The following LRRN3 variants were observed in gnomAD, a reference collection of about 807,000 sequenced individuals.
The protein encoded by LRRN3 is leucine-rich repeat neuronal protein 3.
In LRRN3, 15 loss-of-function variants were observed where a neutral mutation model predicts 40.1. That is an observed-to-expected ratio of 0.37 (90% confidence interval 0.25 to 0.58). The LOEUF is 0.58. Ranked by LOEUF, LRRN3 falls within the 20% of genes least tolerant of loss-of-function variation. The probability of loss-of-function intolerance (pLI) is 0.72; values close to 1 mark genes in which losing one functional copy is unlikely to be tolerated. For synonymous variants in LRRN3, 308 were observed against 297.2 expected (o/e 1.04, Z -0.37); for missense variants, 746 against 837.7 (o/e 0.89, Z 1.35).
At chr7:111,096,296 A>G (rs1447673070) in intron 1 of LRRN3, among the ~76,000 whole-genome samples, 1 of 151,768 alleles carries the variant, frequency 6.6e-6, no homozygotes, top group African/African-American at 2.4e-5. Flanking sequence ...TCCAGAGAGT[A>G]GAAGAAAATA....
chr7:111,109,850 C>T (rs1798987604), intron 2 of LRRN3, among the ~76,000 whole-genome samples: 1 of 152,254 alleles, frequency 6.6e-6, no homozygotes, highest in East Asian at 1.9e-4. Flanking sequence ...AAAAAGTCTT[C>T]AGGGGCTGGG....
Position 111,123,043 on chromosome 7 carries a change from C to A in LRRN3, c.271C>A (p.Pro91Thr). 2 of 1,613,830 alleles carry A rather than the reference C, an allele frequency of 1.2e-6. No homozygotes were observed. Among genetic ancestry groups the A allele is most frequent in the Non-Finnish European group, 1.7e-6 (2 of 1,179,926 alleles). Residue 91 changes from proline (P) to threonine (T), a missense_variant, in exon 3 of 3, where the codon CCA becomes ACA. Transcript: ENST00000308478. The surrounding 1 kb of genome is among the most constrained non-coding windows in gnomAD (Gnocchi z 6.4). The stretch of plus-strand genomic sequence containing the variant: ...AAAAATTGAATACTCCACAGACTTT[C>A]CAGTAAACCTTACTGGCCTGGATTT... The part of the protein sequence containing the change: ...IAKIEYSTDF[P>T]VNLTGLDLSQ...
chr7:111,125,075 A>C lies in LRRN3; in HGVS notation c.*176A>C, dbSNP rs1284194138. On this transcript the variant is annotated 3_prime_UTR_variant, in exon 3 of 3. Coordinates refer to ENST00000308478, the MANE Select transcript of LRRN3 (RefSeq NM_001099658.2). ...CTCCTGACCAATGGAAATATGTACA[A>C]CTTCAGCATTTTAAGTAACTGGCTT... The C allele has an allele frequency of 5.8e-6, 3 of 515,286 alleles. No homozygotes were observed. Among genetic ancestry groups the C allele is most frequent in the Non-Finnish European group, 1.0e-5 (3 of 290,808 alleles). 31.9% of individuals were successfully genotyped at this position (515,286 alleles called of 1,614,324 possible).
intron 2 of LRRN3, among the ~76,000 whole-genome samples, chr7:111,120,753 G>A (rs1800497530): frequency 6.6e-6 from 1 of 152,098 alleles, no homozygotes; most frequent in Non-Finnish European, 1.5e-5. Context: ...AGGAGACTAT[G>A]GAGAGAAGTA....
chr7:111,092,711 T>C (rs1437111064), intron 1 of LRRN3, among the ~76,000 whole-genome samples: 1 of 152,142 alleles, frequency 6.6e-6, no homozygotes, highest in Non-Finnish European at 1.5e-5. Flanking sequence ...TTACTTCCAA[T>C]CTTGTAAAGG....
At chr7:111,104,652 A>G (rs1798345673) in intron 2 of LRRN3, among the ~76,000 whole-genome samples, 1 of 151,840 alleles carries the variant, frequency 6.6e-6, no homozygotes, top group Non-Finnish European at 1.5e-5. Flanking sequence ...AATGCTAAAG[A>G]AAAATTTTTA....
intron 2 of LRRN3, among the ~76,000 whole-genome samples, chr7:111,105,171 A>T (rs1332710859): frequency 6.6e-6 from 1 of 151,864 alleles, no homozygotes; most frequent in African/African-American, 2.4e-5. Flanking sequence ...AAAACCTTTG[A>T]AGTGCCCTTT....
intron 2 of LRRN3, among the ~76,000 whole-genome samples, chr7:111,108,758 C>T (rs1270522586): frequency 6.6e-6 from 1 of 152,046 alleles, no homozygotes; most frequent in African/African-American, 2.4e-5. Flanking sequence ...GCATACAAAC[C>T]ACATGAGTCA....
intron 1 of LRRN3, among the ~76,000 whole-genome samples, chr7:111,099,289 T>C (rs1342968272): frequency 6.6e-6 from 1 of 151,704 alleles, no homozygotes; most frequent in Non-Finnish European, 1.5e-5. Context: ...TTTTTTCCCC[T>C]CATGCATTCT....
At chr7:111,094,138 C>G (rs561201486) in intron 1 of LRRN3, among the ~76,000 whole-genome samples, 26 of 152,202 alleles carry the variant, frequency 1.7e-4, no homozygotes, top group Non-Finnish European at 2.9e-4. Flanking sequence ...CACTCCTCCC[C>G]CCGAATCTGA....
Position 111,124,694 on chromosome 7 carries a change from G to C in LRRN3, c.1922G>C (p.Gly641Ala). The C allele has an allele frequency of 6.2e-7, 1 of 1,613,852 alleles. No individual in the cohort carries two copies. Among genetic ancestry groups the C allele is most frequent in the Non-Finnish European group, 8.5e-7 (1 of 1,179,934 alleles). Residue 641 changes from glycine (G) to alanine (A), a missense_variant, in exon 3 of 3, where the codon GGT (glycine) becomes GCT (alanine). By Grantham distance (60) the Gly-to-Ala change is moderately conservative (BLOSUM62 0). Transcript: ENST00000308478. ...CTTGGAGGCCTTCTGGGGATTATTG[G>C]TGTGATATGTCTTATCAGCTGCCTC... The part of the protein sequence containing the change: ...ACLGGLLGII[G>A]VICLISCLSP...
rs1394503188 is a variant in LRRN3, at chr7:111,124,027, T to C, written c.1255T>C (p.Cys419Arg). ...QVHFRDMMEI[C>R]LPLIAPESFP... ...GCATTTCAGGGACATGATGGAAATT[T>C]GTCTCCCTCTTATAGCTCCTGAGAG... Residue 419 changes from cysteine to arginine, a missense_variant, in exon 3 of 3, where the codon TGT becomes CGT. Physicochemically the swap from Cys to Arg is radical, Grantham distance 180. Coordinates refer to ENST00000308478, the MANE Select transcript of LRRN3 (RefSeq NM_001099658.2). The C allele has an allele frequency of 6.2e-7, 1 of 1,614,104 alleles. No individual in the cohort carries two copies. Among genetic ancestry groups the C allele is most frequent in the Non-Finnish European group, 8.5e-7 (1 of 1,179,988 alleles).
At chr7:111,100,758 A>G (rs1156828766) in intron 2 of LRRN3, among the ~76,000 whole-genome samples, 3 of 151,472 alleles carry the variant, frequency 2.0e-5, no homozygotes, top group Non-Finnish European at 4.4e-5. Flanking sequence ...TCATGGTTGA[A>G]TTCCAGGAGG....
intron 2 of LRRN3, among the ~76,000 whole-genome samples, chr7:111,116,743 G>A (rs543070945): frequency 6.6e-6 from 1 of 152,194 alleles, no homozygotes; most frequent in Admixed American, 6.5e-5. Context: ...TTTCATCTGA[G>A]TGAAACTTTA....
intron 1 of LRRN3, chr7:111,096,984 T>TA: frequency 6.6e-6 from 1 of 151,962 alleles, no homozygotes; most frequent in African/African-American, 2.4e-5. Flanking sequence ...AAAATCCCTT[T>TA]AAAAAATCTT....
Position 111,122,903 on chromosome 7 carries a change from G to C in LRRN3, c.131G>C (p.Arg44Thr). The C allele has an allele frequency of 6.2e-7, 1 of 1,614,038 alleles. No individual in the cohort carries two copies. Among genetic ancestry groups the C allele is most frequent in the South Asian group, 1.1e-5 (1 of 91,074 alleles). Reference sequence around the variant, plus strand: ...GAAATCAGGCCTTGGTTTACACCCAGATCCATTTATATGGAAGCATCTACA... The same window carrying C: ...GAAATCAGGCCTTGGTTTACACCCACATCCATTTATATGGAAGCATCTACA... ...TCEIRPWFTP[R>T]SIYMEASTVD... is the part of the protein sequence containing the mutation. The change falls in exon 3 of 3, where the codon AGA becomes ACA. Residue 44 changes from arginine (R) to threonine (T), a missense_variant. Coordinates refer to ENST00000308478, the MANE Select transcript of LRRN3 (RefSeq NM_001099658.2).
At position 111,109,448 on chromosome 7, in the gene LRRN3, G is replaced by A. The variant is rs1215198252; in HGVS notation, c.-359+9486G>A. 3.3e-5 allele frequency among the ~76,000 whole-genome samples: 5 copies of A among 152,094 alleles called. 1 individual carries two copies. The highest frequency in any genetic ancestry group is 7.4e-5 in the Non-Finnish European group (5 of 68,022). On this transcript the variant is annotated intron_variant, in intron 2 of 2. Coordinates refer to ENST00000308478, the MANE Select transcript of LRRN3 (RefSeq NM_001099658.2). ...AAGTATAGGCTTACTCAGTGAGTAA[G>A]ACATAGGTCTAGACATGAAGGTGTT...
At chr7:111,114,644 G>A (rs1428957584) in intron 2 of LRRN3, among the ~76,000 whole-genome samples, 1 of 151,004 alleles carries the variant, frequency 6.6e-6, no homozygotes, top group Non-Finnish European at 1.5e-5. Flanking sequence ...GCTGAGGCAG[G>A]AGAATTGTTT....
intron 2 of LRRN3, among the ~76,000 whole-genome samples, chr7:111,113,525 T>C (rs1374597814): frequency 6.6e-6 from 1 of 152,154 alleles, no homozygotes; most frequent in African/African-American, 2.4e-5. Flanking sequence ...ACTTCATTTA[T>C]TTTTTTCTTT....
Sources: gnomAD v4.1 joint callset for allele counts (sites outside exome capture counted in the v4.1 genomes callset) on GRCh38, gnomAD v4.1.1 for gene constraint, Gnocchi (gnomAD v3.1) non-coding constraint, MANE v1.5 for transcripts, NCBI Gene and HGNC (gene_info 2026-07-23, HGNC 2026-07-21) for gene names.